TECRL: variants seen among roughly 807,000 people sequenced by gnomAD.
The protein encoded by TECRL is trans-2,3-enoyl-CoA reductase-like.
In TECRL, 63 loss-of-function variants were observed where a neutral mutation model predicts 52.8. The observed-to-expected ratio is 1.19, with a 90% CI of 0.97 to 1.47. TECRL has a LOEUF of 1.47. Among genes scored for constraint, TECRL ranks in the 40% most tolerant of loss-of-function variants. TECRL has a pLI of 0.00. For missense variants in TECRL, 482 were observed against 429.6 expected, an observed-to-expected ratio of 1.12 and a Z score of -1.08; for synonymous variants, 164 against 141.9, an observed-to-expected ratio of 1.16 and a Z score of -1.10.
chr4:64,335,915 T>C (rs1362313272), intron 2 of TECRL, among the ~76,000 whole-genome samples: 2 of 152,204 alleles, frequency 1.3e-5, no homozygotes, highest in East Asian at 1.9e-4. Flanking sequence ...GGATTCGGTT[T>C]GCCAGTATTT....
chr4:64,321,882 T>A (rs1467079841), intron 4 of TECRL, among the ~76,000 whole-genome samples: 1 of 152,154 alleles, frequency 6.6e-6, no homozygotes, highest in African/African-American at 2.4e-5. Flanking sequence ...AGAACCTCCT[T>A]TTTAACTGGA....
Position 64,346,201 on chromosome 4 carries a change from G to A in TECRL, c.287-17645C>T, listed in dbSNP as rs185117332. Among the ~76,000 whole-genome samples, 85 of 152,276 alleles carry A rather than the reference G, an allele frequency of 5.6e-4. 1 individual carries two copies. Among genetic ancestry groups the A allele is most frequent in the African/African-American group, 1.9e-3 (80 of 41,546 alleles). On this transcript the variant is annotated intron_variant, in intron 2 of 11. Transcript: ENST00000381210. ...AAAAGTCATCTTTCAACTCATGAAA[G>A]AAGCATCTGTGGCTTTTCCAGGTGT...
At chr4:64,398,444 C>A (rs549234928) in intron 1 of TECRL, among the ~76,000 whole-genome samples, 167 of 152,218 alleles carry the variant, frequency 1.1e-3, no homozygotes, top group Non-Finnish European at 1.5e-3. Context: ...CTCACAAGAT[C>A]TGGTTGTTTA....
At chr4:64,396,680 T>G (rs921382326) in intron 1 of TECRL, among the ~76,000 whole-genome samples, 4 of 152,180 alleles carry the variant, frequency 2.6e-5, no homozygotes, top group Admixed American at 2.0e-4. Context: ...TGTCATTTTT[T>G]TATTATGTTG....
chr4:64,282,310 T>G (rs1722869151), intron 9 of TECRL, among the ~76,000 whole-genome samples: 1 of 152,020 alleles, frequency 6.6e-6, no homozygotes, highest in East Asian at 1.9e-4. Context: ...ATAAAATTAC[T>G]GTTTTATTCT....
chr4:64,295,927 AT>A (rs764660164), intron 8 of TECRL, among the ~76,000 whole-genome samples: 2 of 152,102 alleles, frequency 1.3e-5, no homozygotes, highest in Non-Finnish European at 2.9e-5. Flanking sequence ...AAATTTAAGT[AT>A]AAAAATTGAT....
At chr4:64,334,120 C>T (rs1287291421) in intron 2 of TECRL, among the ~76,000 whole-genome samples, 1 of 149,870 alleles carries the variant, frequency 6.7e-6, no homozygotes, top group Non-Finnish European at 1.5e-5. Context: ...AATTGTTATA[C>T]TCCTTCTAAA....
At chr4:64,328,206 T>C (rs751015026) in intron 3 of TECRL, among the ~76,000 whole-genome samples, 5 of 151,904 alleles carry the variant, frequency 3.3e-5, no homozygotes, top group Non-Finnish European at 7.4e-5. Context: ...CTTAAGAATA[T>C]ATTATGGAGC....
intron 2 of TECRL, among the ~76,000 whole-genome samples, chr4:64,342,224 T>C (rs942872400): frequency 9.2e-5 from 14 of 152,346 alleles, no homozygotes; most frequent in South Asian, 4.1e-4. Flanking sequence ...AAATTACTTA[T>C]GTCTATTAAG....
intron 1 of TECRL, among the ~76,000 whole-genome samples, chr4:64,379,467 T>G (rs1444377558): frequency 1.3e-5 from 2 of 152,148 alleles, no homozygotes; most frequent in Admixed American, 6.6e-5. Flanking sequence ...CACTTACCAT[T>G]TATTTGTGTT....
At chr4:64,357,386 A>G (rs1720843824) in intron 2 of TECRL, among the ~76,000 whole-genome samples, 1 of 151,582 alleles carries the variant, frequency 6.6e-6, no homozygotes, top group Admixed American at 6.6e-5. Context: ...AAAAATAAAT[A>G]GAAGAGATGT....
At chr4:64,356,789 C>T (rs1399542068) in intron 2 of TECRL, among the ~76,000 whole-genome samples, 3 of 152,124 alleles carry the variant, frequency 2.0e-5, no homozygotes, top group African/African-American at 7.2e-5. Context: ...TACTTTGTCC[C>T]TGTGTCTTAT....
chr4:64,323,676 G>T lies in TECRL; in HGVS notation c.332-884C>A, dbSNP rs1239203658. ...GTTGAGATTAAGGTGGTACTGGTGA[G>T]AATGTTAAAATGTATCAGTTGTAAA... On this transcript the variant is annotated intron_variant, in intron 3 of 11. Coordinates refer to ENST00000381210, the MANE Select transcript of TECRL (RefSeq NM_001010874.5). Among the ~76,000 whole-genome samples, 8 of 152,306 alleles carry T rather than the reference G, an allele frequency of 5.3e-5. No individual in the cohort carries two copies. In the East Asian group the frequency reaches 1.5e-3, roughly 29 times the overall value.
intron 1 of TECRL, among the ~76,000 whole-genome samples, chr4:64,378,130 A>G (rs1722527256): frequency 6.6e-6 from 1 of 152,180 alleles, no homozygotes; most frequent in African/African-American, 2.4e-5. Context: ...AGATACACAG[A>G]GAAGTACAAA....
intron 2 of TECRL, among the ~76,000 whole-genome samples, chr4:64,354,420 G>A (rs1361608047): frequency 6.6e-6 from 1 of 152,140 alleles, no homozygotes; most frequent in East Asian, 1.9e-4. Flanking sequence ...TGAACTAGGA[G>A]ACAAATCTCT....
intron 5 of TECRL, 39 bp downstream of exon 5, chr4:64,314,609 G>C: frequency 1.0e-6 from 1 of 994,130 alleles, no homozygotes; most frequent in Non-Finnish European, 1.6e-6. Flanking sequence ...GTGTGTGTGT[G>C]TGTGTGTGTG....
At chr4:64,353,186 A>C (rs1720519834) in intron 2 of TECRL, among the ~76,000 whole-genome samples, 1 of 152,212 alleles carries the variant, frequency 6.6e-6, no homozygotes, top group Non-Finnish European at 1.5e-5. Context: ...GAAGATATAA[A>C]CACAGAATAA....
intron 1 of TECRL, among the ~76,000 whole-genome samples, chr4:64,389,201 G>T (rs1246721185): frequency 1.3e-5 from 2 of 151,788 alleles, no homozygotes; most frequent in Non-Finnish European, 2.9e-5. Context: ...TTCTGATCTT[G>T]CTGGGAAAGT....
At chr4:64,356,810 A>G (rs1418572308) in intron 2 of TECRL, among the ~76,000 whole-genome samples, 1 of 152,050 alleles carries the variant, frequency 6.6e-6, no homozygotes, top group East Asian at 1.9e-4. Context: ...TTATTTTCTC[A>G]GTCTCTCATC....
Sources: gnomAD v4.1 joint callset for allele counts (sites outside exome capture counted in the v4.1 genomes callset) on GRCh38, gnomAD v4.1.1 for gene constraint, MANE v1.5 for transcripts, NCBI Gene and HGNC (gene_info 2026-07-23, HGNC 2026-07-21) for gene names.